Variants in BSDC1 observed in about 807,000 individuals in gnomAD.
BSDC1 encodes the protein BSD domain containing 1.
In BSDC1, 29 loss-of-function variants were observed where a neutral mutation model predicts 56.0. The observed-to-expected ratio is 0.52, with a 90% confidence interval of 0.39 to 0.71. BSDC1 has a LOEUF of 0.71. Among genes scored for constraint, BSDC1 ranks in the 30% least tolerant of loss-of-function variants. The pLI is 0.00. For missense variants in BSDC1, 477 were observed against 548.5 expected, an observed-to-expected ratio of 0.87 and a Z score of 1.30; for synonymous variants, 210 against 215.3, an observed-to-expected ratio of 0.98 and a Z score of 0.21.
intron 4 of BSDC1, 105 bp downstream of exon 4, chr1:32,383,725 T>G (rs1422147408): frequency 1.1e-6 from 1 of 895,764 alleles, no homozygotes; most frequent in South Asian, 1.6e-5. Flanking sequence ...TATACCCATA[T>G]TTATTTTTTG....
chr1:32,376,257 C>A lies in BSDC1; in HGVS notation c.1156+5G>T. On this transcript the variant is annotated splice_donor_5th_base_variant and intron_variant, in intron 9 of 10. Transcript: ENST00000455895. ...AACCCTCTGGGCTTGGACCTCCAGACCTACCTTTCTTTCCATTGTTGGAGG... is the reference window on the plus strand; with the variant it reads ...AACCCTCTGGGCTTGGACCTCCAGAACTACCTTTCTTTCCATTGTTGGAGG... 6.7e-7 allele frequency: 1 copy of A among 1,490,054 alleles called. No individual in the cohort carries two copies. Among genetic ancestry groups the A allele is most frequent in the Non-Finnish European group, 9.0e-7 (1 of 1,110,378 alleles). The allele number at this position is 1,490,054 out of a possible 1,614,324, so 92.3% of individuals were successfully genotyped here.
In BSDC1 at chr1:32,394,387, C is replaced by T. The variant is rs768774152; in HGVS notation, c.11+17G>A. On this transcript the variant is annotated intron_variant, in intron 1 of 10. Transcript: ENST00000455895. The stretch of plus-strand genomic sequence containing the variant: ...GAATTCAGGCCCCAACGCCTAGGAG[C>T]AAAACGACAAGCTCACCCTTCCGCC... The T allele has an allele frequency of 9.3e-6, 15 of 1,614,166 alleles. No individual in the cohort carries two copies. The highest frequency in any genetic ancestry group is 1.2e-5 in the Non-Finnish European group (14 of 1,180,028).
intron 2 of BSDC1, among the ~76,000 whole-genome samples, chr1:32,387,133 C>T (rs958602414): frequency 7.2e-5 from 11 of 152,172 alleles, no homozygotes; most frequent in African/African-American, 2.2e-4. Context: ...CCTAGGCACT[C>T]GCAAGCTATG....
intron 9 of BSDC1, among the ~76,000 whole-genome samples, chr1:32,375,352 A>T (rs946321488): frequency 4.6e-5 from 7 of 150,742 alleles, no homozygotes; most frequent in African/African-American, 1.7e-4. Flanking sequence ...CCTGCTGGGC[A>T]AGCTTTGTGG....
intron 10 of BSDC1, 184 bp from the exon 11 acceptor site, chr1:32,366,838 T>C: frequency 7.5e-7 from 1 of 1,336,364 alleles, no homozygotes; most frequent in Non-Finnish European, 9.6e-7. Context: ...AGCTGCCCTC[T>C]GCCTGAGGGG....
chr1:32,380,795 T>C (rs1034596928), intron 5 of BSDC1, among the ~76,000 whole-genome samples: 14 of 152,210 alleles, frequency 9.2e-5, no homozygotes, highest in African/African-American at 3.4e-4. Context: ...ATTTCTACTT[T>C]ATTGACTGTT....
rs1642374949 is a variant in BSDC1 at position 32,378,576 on chromosome 1, T to C, written c.528+148A>G. The stretch of plus-strand genomic sequence containing the variant: ...AAACCAGCTTCTCCCATGTGGGGTC[T>C]TGGCTCAGGACACAGCTGGTCTGGC... On this transcript the variant is annotated intron_variant, in intron 6 of 10. Transcript: ENST00000455895. The surrounding 1 kb of genome is among the most constrained non-coding windows in gnomAD (Gnocchi z 5.2). 2 of 666,398 alleles carry C rather than the reference T, an allele frequency of 3.0e-6. No homozygotes were observed. The highest frequency in any genetic ancestry group is 4.2e-4 in the Middle Eastern group (1 of 2,400). 41.3% of individuals were successfully genotyped at this position (666,398 alleles called of 1,614,324 possible).
chr1:32,382,949 G>A (rs1187205962), intron 4 of BSDC1, among the ~76,000 whole-genome samples: 1 of 150,602 alleles, frequency 6.6e-6, no homozygotes, highest in Non-Finnish European at 1.5e-5. Context: ...TAAGTGCTCT[G>A]AAGACACCTC....
At chr1:32,383,699 G>A (rs1005152736) in intron 4 of BSDC1, 131 bp downstream of exon 4, 5 of 698,726 alleles carry the variant, frequency 7.2e-6, no homozygotes, top group Non-Finnish European at 1.2e-5. Flanking sequence ...GGTATTTTCT[G>A]ATTTACTATT....
intron 5 of BSDC1, 21 bp downstream of exon 5, chr1:32,381,193 C>G: frequency 1.2e-6 from 2 of 1,613,402 alleles, no homozygotes; most frequent in Non-Finnish European, 1.7e-6. Context: ...CAAGCCCACC[C>G]GCTCAGTGCT....
In BSDC1 at chr1:32,376,805, G is replaced by A. The variant is rs116742813; in HGVS notation, c.677-64C>T. 39 of 1,320,770 alleles carry A rather than the reference G, an allele frequency of 3.0e-5. No homozygotes were observed. In the African/African-American group the frequency reaches 5.3e-4, roughly 18 times the overall value. The allele number at this position is 1,320,770 out of a possible 1,614,324, so 81.8% of individuals were successfully genotyped here. ...ACCTGGCCAGCCATAAGACAACCTTGGAGCTCTCAAGTTCCTGCCAAAGTG... is the reference window on the plus strand; with the variant it reads ...ACCTGGCCAGCCATAAGACAACCTTAGAGCTCTCAAGTTCCTGCCAAAGTG... On this transcript the variant is annotated intron_variant, in intron 8 of 10. Transcript: ENST00000455895.
intron 10 of BSDC1, chr1:32,367,408 C>T (rs1329247225): frequency 1.0e-6 from 1 of 985,262 alleles, no homozygotes; most frequent in East Asian, 1.1e-4. Flanking sequence ...GTGAGGTAGT[C>T]ACAAGTGCAA....
intron 9 of BSDC1, among the ~76,000 whole-genome samples, chr1:32,368,751 T>C (rs980019709): frequency 1.3e-5 from 2 of 151,792 alleles, no homozygotes; most frequent in African/African-American, 4.8e-5. Flanking sequence ...CAGGCTGGAG[T>C]GCAGTGGTGT....
intron 2 of BSDC1, among the ~76,000 whole-genome samples, chr1:32,393,296 T>C (rs954272457): frequency 2.0e-5 from 3 of 152,202 alleles, no homozygotes; most frequent in Admixed American, 6.5e-5. Context: ...ACAGAGATTG[T>C]TCAGCAAGAA....
intron 8 of BSDC1, 38 bp from the exon 9 acceptor site, chr1:32,376,779 A>T: frequency 6.0e-6 from 8 of 1,334,440 alleles, no homozygotes; most frequent in Non-Finnish European, 5.8e-6. Flanking sequence ...AGGGAAATGT[A>T]ACCTGGCCAG....
chr1:32,389,512 G>A (rs1171283076), intron 2 of BSDC1, among the ~76,000 whole-genome samples: 3 of 152,194 alleles, frequency 2.0e-5, no homozygotes, highest in Non-Finnish European at 4.4e-5. Context: ...CCTCAAGCAG[G>A]TCACAGTCTA....
At chr1:32,384,138 G>T in intron 3 of BSDC1, 141 bp from the exon 4 acceptor site, 2 of 1,211,566 alleles carry the variant, frequency 1.7e-6, no homozygotes, top group Non-Finnish European at 2.3e-6. Context: ...CGTCTCTGGG[G>T]CTGCAGGAGA....
At chr1:32,393,891 G>A (rs2148150096) in intron 2 of BSDC1, 189 bp downstream of exon 2, 2 of 588,042 alleles carry the variant, frequency 3.4e-6, no homozygotes, top group South Asian at 4.5e-5. Context: ...ATTTCACTGT[G>A]GCTAGTATCA....
chr1:32,382,993 T>C (rs1642541031), intron 4 of BSDC1, among the ~76,000 whole-genome samples: 1 of 152,022 alleles, frequency 6.6e-6, no homozygotes. Flanking sequence ...TACTAGAAAT[T>C]AGTCTAAATA....
Sources: gnomAD v4.1 joint callset for allele counts (sites outside exome capture counted in the v4.1 genomes callset) on GRCh38, gnomAD v4.1.1 for gene constraint, Gnocchi (gnomAD v3.1) non-coding constraint, MANE v1.5 for transcripts, NCBI Gene and HGNC (gene_info 2026-07-23, HGNC 2026-07-21) for gene names.